The following DPP10 variants were observed in gnomAD, a reference collection of about 807,000 sequenced individuals.
The protein encoded by DPP10 is inactive dipeptidyl peptidase 10.
Under a neutral mutation model 120.9 loss-of-function variants are expected in DPP10, and 33 were observed. The observed-to-expected ratio is 0.27, with a 90% CI of 0.21 to 0.37. The LOEUF is 0.37. Among genes scored for constraint, DPP10 ranks in the 10% least tolerant of loss-of-function variants. DPP10 has a pLI of 1.00. For missense variants in DPP10, 816 were observed against 942.8 expected (o/e 0.87, Z 1.76); for synonymous variants, 337 against 326.1 (o/e 1.03, Z -0.36).
chr2:115,451,365 C>A (rs1442137446), intron 3 of DPP10, among the ~76,000 whole-genome samples: 1 of 151,778 alleles, frequency 6.6e-6, no homozygotes, highest in African/African-American at 2.4e-5. Context: ...ACTGACTATA[C>A]CTTCCAAAAT....
intron 1 of DPP10, among the ~76,000 whole-genome samples, chr2:114,740,792 C>T (rs1384622312): frequency 6.6e-6 from 1 of 152,182 alleles, no homozygotes; most frequent in African/African-American, 2.4e-5. Context: ...GATTAGGTTG[C>T]TTTCCAAAAG....
chr2:115,235,463 A>G (rs2057949413), intron 1 of DPP10, among the ~76,000 whole-genome samples: 1 of 152,166 alleles, frequency 6.6e-6, no homozygotes, highest in South Asian at 2.1e-4. Context: ...TTTTAAAATC[A>G]AGTTGCCTTA....
At chr2:115,253,206 A>G (rs2058828056) in intron 1 of DPP10, among the ~76,000 whole-genome samples, 2 of 152,170 alleles carry the variant, frequency 1.3e-5, no homozygotes, top group South Asian at 2.1e-4. Context: ...AAACAACCAG[A>G]TGTTGTGAGA....
intron 1 of DPP10, among the ~76,000 whole-genome samples, chr2:114,632,130 T>C (rs1694970435): frequency 1.3e-5 from 2 of 152,196 alleles, no homozygotes. Flanking sequence ...TCTGTCTTTT[T>C]TGCAAGAATA....
intron 3 of DPP10, among the ~76,000 whole-genome samples, chr2:115,458,053 A>G (rs1421338968): frequency 2.1e-4 from 32 of 152,222 alleles, no homozygotes; most frequent in Admixed American, 2.1e-3. Context: ...AAGCATATGT[A>G]CTGCGTATTG....
At chr2:115,055,189 T>C (rs1319139645) in intron 1 of DPP10, among the ~76,000 whole-genome samples, 1 of 152,188 alleles carries the variant, frequency 6.6e-6, no homozygotes, top group Non-Finnish European at 1.5e-5. Context: ...TAAAGAAAGA[T>C]GACACCAACT....
intron 24 of DPP10, among the ~76,000 whole-genome samples, chr2:115,838,117 T>C (rs2150126719): frequency 6.6e-6 from 1 of 152,300 alleles, no homozygotes; most frequent in South Asian, 2.1e-4. Context: ...CCAGGAACTC[T>C]GTACTATCTC....
At chr2:115,400,460 A>G (rs11892417) in intron 3 of DPP10, among the ~76,000 whole-genome samples, 1,543 of 147,710 alleles carry the variant, frequency 0.01, 23 homozygotes, top group African/African-American at 0.037. Context: ...ACTTACAATC[A>G]TGATATCTAC....
chr2:115,500,983 A>T (rs975491554), intron 4 of DPP10, among the ~76,000 whole-genome samples: 1 of 152,064 alleles, frequency 6.6e-6, no homozygotes, highest in Non-Finnish European at 1.5e-5. Context: ...GAATTCCAGA[A>T]TTGATAATGA....
intron 21 of DPP10, among the ~76,000 whole-genome samples, chr2:115,833,488 C>G (rs1031779390): frequency 6.6e-6 from 1 of 152,192 alleles, no homozygotes; most frequent in South Asian, 2.1e-4. Context: ...AGGGACAACA[C>G]TTTCAAGAGC....
chr2:115,712,543 AATAT>A (rs1553486145), intron 7 of DPP10, among the ~76,000 whole-genome samples: 1,091 of 64,354 alleles, frequency 0.017, 152 homozygotes, highest in Middle Eastern at 0.057. Context: ...TCCTGAATTA[AATAT>A]ATATATATAT....
chr2:115,751,661 G>A (rs757084117), intron 10 of DPP10, among the ~76,000 whole-genome samples: 24 of 152,108 alleles, frequency 1.6e-4, no homozygotes, highest in Non-Finnish European at 3.1e-4. Context: ...GGTAATGTTA[G>A]ATATGTAACA....
intron 5 of DPP10, among the ~76,000 whole-genome samples, chr2:115,684,159 T>G (rs2090838145): frequency 6.6e-6 from 1 of 151,868 alleles, no homozygotes; most frequent in African/African-American, 2.4e-5. Flanking sequence ...CTCATATATA[T>G]TTTCCTTTTC....
intron 3 of DPP10, among the ~76,000 whole-genome samples, chr2:115,464,399 T>A (rs1287330739): frequency 1.7e-5 from 1 of 57,322 alleles, no homozygotes; most frequent in Admixed American, 2.7e-4. Context: ...CTTAAAGTTC[T>A]GCAGCCAAAA....
intron 1 of DPP10, among the ~76,000 whole-genome samples, chr2:115,015,106 A>C (rs1483086630): frequency 6.6e-6 from 1 of 152,172 alleles, no homozygotes; most frequent in Non-Finnish European, 1.5e-5. Context: ...TCCTTAATAA[A>C]ATACTGGCAA....
chr2:114,868,400 C>T (rs914367386), intron 1 of DPP10, among the ~76,000 whole-genome samples: 2 of 152,172 alleles, frequency 1.3e-5, no homozygotes, highest in East Asian at 3.9e-4. Context: ...CTTAAAGTGA[C>T]TCTGACCTCA....
intron 21 of DPP10, among the ~76,000 whole-genome samples, chr2:115,826,108 A>G (rs10188957): frequency 1.5e-3 from 226 of 152,290 alleles, no homozygotes; most frequent in African/African-American, 5.3e-3. Flanking sequence ...CCTGTTTGGG[A>G]AATTAGGCTG....
At chr2:115,439,873 G>A (rs887071212) in intron 3 of DPP10, among the ~76,000 whole-genome samples, 20 of 152,000 alleles carry the variant, frequency 1.3e-4, no homozygotes, top group Middle Eastern at 3.4e-3. Context: ...ATTAAAAACT[G>A]GATAAACATT....
intron 5 of DPP10, among the ~76,000 whole-genome samples, chr2:115,537,727 A>G (rs1323941779): frequency 1.3e-5 from 2 of 151,932 alleles, no homozygotes; most frequent in Non-Finnish European, 2.9e-5. Flanking sequence ...ATAAAGCAGT[A>G]ATTTATTGTG....
Sources: gnomAD v4.1 joint callset for allele counts (sites outside exome capture counted in the v4.1 genomes callset) on GRCh38, gnomAD v4.1.1 for gene constraint, MANE v1.5 for transcripts, NCBI Gene and HGNC (gene_info 2026-07-23, HGNC 2026-07-21) for gene names.